JADE3: variants seen among roughly 807,000 people sequenced by gnomAD.
JADE3 encodes jade family PHD finger 3.
JADE3 carries 2 observed loss-of-function variants against 50.1 expected under a neutral mutation model. That is an observed-to-expected ratio of 0.04 (90% CI 0.02 to 0.13). The LOEUF (loss-of-function observed/expected upper bound fraction) is 0.13. Among genes scored for constraint, JADE3 ranks in the 10% least tolerant of loss-of-function variants. JADE3 has a pLI of 1.00. For synonymous variants in JADE3, 218 were observed against 232.9 expected (o/e 0.94, Z 0.58); for missense variants, 475 against 634.4 (o/e 0.75, Z 2.70).
At chrX:46,921,587 G>A (rs1172653039) in intron 1 of JADE3, among the ~76,000 whole-genome samples, 2 of 111,859 alleles carry the variant, frequency 1.8e-5, no homozygotes, top group Non-Finnish European at 3.8e-5. Flanking sequence ...CCCTTAGCTG[G>A]TGTTTGGGAA....
At chrX:47,050,131 A>G (rs1929473163) in intron 8 of JADE3, among the ~76,000 whole-genome samples, 1 of 107,810 alleles carries the variant, frequency 9.3e-6, no homozygotes, top group East Asian at 3.0e-4. Flanking sequence ...ACGAGGTCTC[A>G]CTATGTTACC....
chrX:47,039,567 C>T (rs1406760567), intron 8 of JADE3, among the ~76,000 whole-genome samples: 2 of 110,728 alleles, frequency 1.8e-5, no homozygotes, highest in African/African-American at 6.6e-5. Context: ...TCTCCCTCCT[C>T]CCTCTAGTAA....
At chrX:46,988,380 G>A (rs781942391) in intron 3 of JADE3, among the ~76,000 whole-genome samples, 4 of 110,417 alleles carry the variant, frequency 3.6e-5, no homozygotes, top group Non-Finnish European at 5.7e-5. Context: ...CTTGCCCAGG[G>A]TCATTAAAAA....
At chrX:46,931,704 A>G (rs1467246893) in intron 1 of JADE3, among the ~76,000 whole-genome samples, 2 of 112,076 alleles carry the variant, frequency 1.8e-5, no homozygotes, top group African/African-American at 3.2e-5. Flanking sequence ...GATTACAGGC[A>G]TGAGCCACTA....
intron 5 of JADE3, 33 bp downstream of exon 5, chrX:47,024,947 T>A: frequency 2.3e-6 from 2 of 862,799 alleles, no homozygotes; most frequent in Non-Finnish European, 3.3e-6. Context: ...AGTTGTGACT[T>A]AATTCATGTT....
At chrX:47,020,924 G>A (rs782785283) in intron 4 of JADE3, among the ~76,000 whole-genome samples, 3 of 110,129 alleles carry the variant, frequency 2.7e-5, no homozygotes, top group South Asian at 4.0e-4. Context: ...AGACTAGCCT[G>A]GGCAACACAG....
chrX:46,947,949 T>G (rs1926919767), intron 1 of JADE3, among the ~76,000 whole-genome samples: 1 of 111,444 alleles, frequency 9.0e-6, no homozygotes, highest in Non-Finnish European at 1.9e-5. Context: ...CCTTTCTTCC[T>G]TATCCCTCCA....
intron 3 of JADE3, among the ~76,000 whole-genome samples, chrX:46,989,539 C>T (rs1465549121): frequency 9.0e-6 from 1 of 111,423 alleles, no homozygotes; most frequent in Non-Finnish European, 1.9e-5. Flanking sequence ...TCCTTCTGGC[C>T]TCCATGGTCT....
Position 47,037,109 on chromosome X carries a change from TA to T in JADE3, c.856-1829del, listed in dbSNP as rs71704592. Among the ~76,000 whole-genome samples, 252 of 83,100 alleles carry T rather than the reference TA, an allele frequency of 3.0e-3. 4 individuals carry two copies. The highest frequency in any genetic ancestry group is 0.016 in the South Asian group (28 of 1,803). The allele number at this position is 83,100 out of a possible 115,157, so 72.2% of individuals were successfully genotyped here. A position where few individuals can be genotyped will look rare whatever the true frequency, so the allele number is the denominator to read the frequency against. The stretch of plus-strand genomic sequence containing the variant: ...ATGTACCCTAAAACTTAAAGTATAA[TA>T]AAAAAAAAAAGGAAAAAAAAAAAGC... On this transcript the variant is annotated intron_variant, in intron 7 of 10. Coordinates refer to ENST00000614628, the MANE Select transcript of JADE3 (RefSeq NM_014735.5).
chrX:47,032,045 C>G (rs1490231635), intron 6 of JADE3, among the ~76,000 whole-genome samples: 1 of 110,465 alleles, frequency 9.1e-6, no homozygotes, highest in Non-Finnish European at 1.9e-5. Flanking sequence ...TGAGAAAGGT[C>G]CAACTATGCA....
chrX:47,001,303 C>CTGAGGTG (rs782435036), intron 4 of JADE3, among the ~76,000 whole-genome samples: 15 of 111,595 alleles, frequency 1.3e-4, no homozygotes, highest in Non-Finnish European at 2.1e-4. Context: ...TTCAGTAGAT[C>CTGAGGTG]TGAGGTGTGA....
At chrX:47,011,669 C>T (rs1375527612) in intron 4 of JADE3, among the ~76,000 whole-genome samples, 2 of 111,800 alleles carry the variant, frequency 1.8e-5, no homozygotes, top group Non-Finnish European at 3.8e-5. Context: ...GTGAAGGTTA[C>T]ATTTTCTCCA....
chrX:47,046,185 A>T (rs1348247800), intron 8 of JADE3, among the ~76,000 whole-genome samples: 1 of 111,785 alleles, frequency 8.9e-6, no homozygotes, highest in Non-Finnish European at 1.9e-5. Context: ...ATCAGAGATG[A>T]AAAAGGAGAC....
chrX:47,040,568 A>G (rs183224774), intron 8 of JADE3, among the ~76,000 whole-genome samples: 99 of 112,006 alleles, frequency 8.8e-4, no homozygotes, highest in African/African-American at 3.1e-3. Flanking sequence ...GGTGAGTTGT[A>G]TAGTTATTTC....
intron 4 of JADE3, among the ~76,000 whole-genome samples, chrX:47,014,594 T>C (rs1928634055): frequency 8.9e-6 from 1 of 112,107 alleles, no homozygotes; most frequent in Admixed American, 9.5e-5. Flanking sequence ...TTCAAACTGA[T>C]GTCTTATCCT....
chrX:46,991,150 TC>T (rs1421149290), intron 3 of JADE3, among the ~76,000 whole-genome samples: 1 of 97,943 alleles, frequency 1.0e-5, no homozygotes, highest in Non-Finnish European at 2.0e-5. Flanking sequence ...AATGGCGCAA[TC>T]TCGGCTCACT....
Position 47,059,560 on chromosome X carries a change from C to T in JADE3, c.*483C>T, listed in dbSNP as rs782648314. The T allele has an allele frequency of 0.021, 2,402 of 113,404 alleles. 50 individuals are homozygous for T. The highest frequency in any genetic ancestry group is 0.072 in the African/African-American group (2,196 of 30,661). 9.3% of individuals were successfully genotyped at this position (113,404 alleles called of 1,213,427 possible). ...TTCAGGGGAGAGACCAGGAGACCAC[C>T]ATCTTAGATACTGTCAAACTCACTA... is the stretch of plus-strand genomic sequence containing the variant. On this transcript the variant is annotated 3_prime_UTR_variant, in exon 11 of 11. Coordinates refer to ENST00000614628, the MANE Select transcript of JADE3 (RefSeq NM_014735.5).
chrX:47,047,740 T>C (rs1929409168), intron 8 of JADE3, among the ~76,000 whole-genome samples: 1 of 111,434 alleles, frequency 9.0e-6, no homozygotes. Context: ...AACATAGAGT[T>C]ACCTTATAAA....
intron 4 of JADE3, among the ~76,000 whole-genome samples, chrX:47,008,201 G>T (rs1556360804): frequency 1.8e-5 from 2 of 111,654 alleles, no homozygotes; most frequent in African/African-American, 6.5e-5. Flanking sequence ...CTTAGTGAAG[G>T]CAAACTTATC....
Sources: gnomAD v4.1 joint callset for allele counts (sites outside exome capture counted in the v4.1 genomes callset) on GRCh38, gnomAD v4.1.1 for gene constraint, MANE v1.5 for transcripts, NCBI Gene and HGNC (gene_info 2026-07-23, HGNC 2026-07-21) for gene names.